The following SECISBP2 variants were observed in gnomAD, a reference collection of about 807,000 sequenced individuals.
SECISBP2 encodes SECIS binding protein 2, also known as selenocysteine insertion sequence-binding protein 2.
SECISBP2 carries 96 observed loss-of-function variants against 98.2 expected under a neutral mutation model. That is an observed-to-expected ratio of 0.98 (90% confidence interval 0.83 to 1.16). SECISBP2 has a LOEUF of 1.16. Ranked by LOEUF, SECISBP2 falls within the 50% of genes most tolerant of loss-of-function variation. SECISBP2 has a pLI of 0.00. For missense variants in SECISBP2, 1,046 were observed against 1,022.9 expected, an observed-to-expected ratio of 1.02 and a Z score of -0.31; for synonymous variants, 407 against 370.2, an observed-to-expected ratio of 1.10 and a Z score of -1.14.
downstream of SECISBP2, among the ~76,000 whole-genome samples, chr9:89,363,102 C>T (rs996072207): frequency 2.6e-5 from 4 of 152,144 alleles, no homozygotes; most frequent in Non-Finnish European, 5.9e-5. Flanking sequence ...AAAGGAGTGG[C>T]TGGCTGAGTG....
At chr9:89,335,634 A>G (rs1362628981) in intron 7 of SECISBP2, among the ~76,000 whole-genome samples, 1 of 152,112 alleles carries the variant, frequency 6.6e-6, no homozygotes, top group Non-Finnish European at 1.5e-5. Flanking sequence ...CCTGGCCAGG[A>G]TAGTCTTTTT....
chr9:89,340,353 CTG>C (rs1230222169), intron 9 of SECISBP2, among the ~76,000 whole-genome samples: 3 of 152,222 alleles, frequency 2.0e-5, no homozygotes, highest in East Asian at 3.9e-4. Context: ...CAGTTTTACT[CTG>C]TGAAGTCAAA....
At chr9:89,349,066 T>C (rs1401403163) in intron 12 of SECISBP2, among the ~76,000 whole-genome samples, 2 of 152,222 alleles carry the variant, frequency 1.3e-5, no homozygotes, top group East Asian at 3.8e-4. Context: ...GGTTTCTGAC[T>C]GTTCTACCAG....
In SECISBP2 at chr9:89,357,575, C is replaced by T. The variant is rs749082075; in HGVS notation, c.2268+10C>T. The T allele has an allele frequency of 3.1e-6, 5 of 1,612,958 alleles. No homozygotes were observed. The highest frequency in any genetic ancestry group is 2.2e-5 in the East Asian group (1 of 44,882). On this transcript the variant is annotated intron_variant, in intron 15 of 16. Transcript: ENST00000375807. ...CTATGATGGGGCCCAGGTGAGTGCA[C>T]AGGGCACAGGCCTCTTCAGTCACTG...
chr9:89,344,227 G>A (rs187229223), intron 10 of SECISBP2, among the ~76,000 whole-genome samples: 1 of 152,242 alleles, frequency 6.6e-6, no homozygotes, highest in East Asian at 1.9e-4. Flanking sequence ...TTGTCCGATG[G>A]ATAGATTGCA....
intron 4 of SECISBP2, among the ~76,000 whole-genome samples, chr9:89,327,139 G>T (rs1826856124): frequency 6.6e-6 from 1 of 151,826 alleles, no homozygotes; most frequent in Non-Finnish European, 1.5e-5. Flanking sequence ...ACTCCAGCCT[G>T]GGAGACAGAG....
intron 5 of SECISBP2, chr9:89,330,434 A>G: frequency 6.6e-6 from 1 of 152,244 alleles, no homozygotes; most frequent in East Asian, 1.9e-4. Context: ...AAGTAGAAAG[A>G]AGAAAGATAA....
At chr9:89,340,537 A>AT (rs1829502424) in intron 9 of SECISBP2, among the ~76,000 whole-genome samples, 1 of 152,236 alleles carries the variant, frequency 6.6e-6, no homozygotes, top group Admixed American at 6.5e-5. Context: ...TTGTTTTCGC[A>AT]TTCATGAAAA....
In SECISBP2 at chr9:89,328,828, T is replaced by C; in HGVS notation, c.743T>C (p.Val248Ala). The C allele has an allele frequency of 6.2e-7, 1 of 1,614,192 alleles. No individual in the cohort carries two copies. Among genetic ancestry groups the C allele is most frequent in the Non-Finnish European group, 8.5e-7 (1 of 1,180,010 alleles). Residue 248 changes from valine (V) to alanine (A), a missense_variant, in exon 5 of 17, where the codon GTC becomes GCC. Coordinates refer to ENST00000375807, the MANE Select transcript of SECISBP2 (RefSeq NM_024077.5). ...CCCAAGTGGGGACCTGTCCACTCTG[T>C]CTCTACCGACATTTCTCTTCTAAGA... ...KQPKWGPVHS[V>A]STDISLLREV... is the part of the protein sequence containing the mutation.
intron 10 of SECISBP2, among the ~76,000 whole-genome samples, chr9:89,341,892 T>C (rs897968510): frequency 6.6e-6 from 1 of 152,148 alleles, no homozygotes; most frequent in Non-Finnish European, 1.5e-5. Flanking sequence ...TTATTAGACA[T>C]TGGATTTTCA....
At position 89,334,571 on chromosome 9, in the gene SECISBP2, A is replaced by G; in HGVS notation, c.930A>G (p.Thr310=). 1 of 1,614,210 alleles carries G rather than the reference A, an allele frequency of 6.2e-7. No homozygotes were observed. Among genetic ancestry groups the G allele is most frequent in the Non-Finnish European group, 8.5e-7 (1 of 1,180,040 alleles). ...MGYVVRQTLS[T]ELSAAPKNVT... ...ATGTTGTTCGACAGACATTATCTACAGAACTGTCAGCAGCCCCTAAAAATG... is the reference window on the plus strand; with the variant it reads ...ATGTTGTTCGACAGACATTATCTACGGAACTGTCAGCAGCCCCTAAAAATG... Residue 310 remains threonine (T), a synonymous_variant, in exon 7 of 17, where the codon ACA becomes ACG. Transcript: ENST00000375807.
At chr9:89,355,606 C>T in intron 14 of SECISBP2, 1 of 969,720 alleles carries the variant, frequency 1.0e-6, no homozygotes, top group Non-Finnish European at 1.2e-6. Flanking sequence ...AAAAAATTGG[C>T]CATGCAGAGA....
the SECISBP2 span, chr9:89,364,966 CAAGT>C: frequency 2.2e-4 from 33 of 152,296 alleles, no homozygotes; most frequent in African/African-American, 2.6e-4. Context: ...GGGAGGGGCA[CAAGT>C]AAGTTCTGGT....
rs755325152 is a variant in SECISBP2 at position 89,350,711 on chromosome 9, C to T, written c.1972C>T (p.Arg658Cys). 10 of 1,614,040 alleles carry T rather than the reference C, an allele frequency of 6.2e-6. No homozygotes were observed. Among genetic ancestry groups the T allele is most frequent in the Admixed American group, 3.3e-5 (2 of 60,004 alleles). Residue 658 changes from arginine to cysteine, a missense_variant, in exon 14 of 17, where the codon CGT becomes TGT. Physicochemically the swap from Arg to Cys is radical, Grantham distance 180. Coordinates refer to ENST00000375807, the MANE Select transcript of SECISBP2 (RefSeq NM_024077.5). ...LLKELVRFQD[R>C]MYQKDPVKAK... ...CAAAGAACTGGTCCGTTTCCAAGAC[C>T]GTATGTACCAGAAAGATCCAGTCAA...
At chr9:89,362,910 CAGGG>C (rs1564474738), downstream of SECISBP2, among the ~76,000 whole-genome samples, 4 of 152,160 alleles carry the variant, frequency 2.6e-5, no homozygotes, top group Admixed American at 2.0e-4. Context: ...CGTGGGGAGA[CAGGG>C]AGCCTCTAGG....
At chr9:89,334,775 G>C in intron 7 of SECISBP2, 45 bp downstream of exon 7, 1 of 1,405,096 alleles carries the variant, frequency 7.1e-7, no homozygotes, top group Non-Finnish European at 1.0e-6. Context: ...GTTGCCAGGG[G>C]CTCAGTAGAG....
At chr9:89,338,005 G>T (rs1024311321) in intron 7 of SECISBP2, among the ~76,000 whole-genome samples, 1 of 152,240 alleles carries the variant, frequency 6.6e-6, no homozygotes, top group Non-Finnish European at 1.5e-5. Flanking sequence ...TAGGAATGAT[G>T]AGGTCACATT....
intron 14 of SECISBP2, chr9:89,355,022 C>G: frequency 2.0e-6 from 2 of 985,398 alleles, no homozygotes; most frequent in Non-Finnish European, 2.4e-6. Context: ...GCTGCCTCCT[C>G]ATCACTTTGC....
At chr9:89,356,557 C>T (rs376648574) in intron 14 of SECISBP2, 2 of 152,090 alleles carry the variant, frequency 1.3e-5, no homozygotes, top group African/African-American at 4.8e-5. Context: ...CTCCTGGGCT[C>T]AAGTTACTGA....
Sources: allele counts gnomAD v4.1 joint callset (sites outside exome capture counted in the v4.1 genomes callset), GRCh38; gene constraint gnomAD v4.1.1; transcripts MANE v1.5; gene names NCBI Gene and HGNC (gene_info 2026-07-23, HGNC 2026-07-21).